Variants in SLC30A8 observed in about 807,000 individuals in gnomAD.
SLC30A8 encodes solute carrier family 30 member 8, also known as proton-coupled zinc antiporter SLC30A8.
In SLC30A8, 27 loss-of-function variants were observed where a neutral mutation model predicts 36.9. The ratio of observed to expected loss-of-function variants is 0.73; its 90% CI spans 0.54 to 1.01. SLC30A8 has a LOEUF of 1.01. Among genes scored for constraint, SLC30A8 ranks in the 50% least tolerant of loss-of-function variants. The pLI, the probability that SLC30A8 is intolerant of heterozygous loss-of-function variation, is 0.00. For missense variants in SLC30A8, 439 were observed against 452.0 expected, an observed-to-expected ratio of 0.97 and a Z score of 0.26; for synonymous variants, 164 against 172.4, an observed-to-expected ratio of 0.95 and a Z score of 0.38.
At chr8:117,032,995 C>T (rs575983987) in intron 1 of SLC30A8, among the ~76,000 whole-genome samples, 1 of 152,174 alleles carries the variant, frequency 6.6e-6, no homozygotes, top group East Asian at 1.9e-4. Context: ...GGAACCTCTG[C>T]AATCCTGGGC....
chr8:117,031,960 T>C (rs1817065832), intron 1 of SLC30A8, among the ~76,000 whole-genome samples: 1 of 152,164 alleles, frequency 6.6e-6, no homozygotes, highest in South Asian at 2.1e-4. Context: ...ATATTTCCTT[T>C]CCACTTTCAC....
At chr8:117,129,454 T>A (rs1271006746) in intron 2 of SLC30A8, among the ~76,000 whole-genome samples, 3 of 152,062 alleles carry the variant, frequency 2.0e-5, no homozygotes, top group Non-Finnish European at 4.4e-5. Flanking sequence ...TGATTTCTAC[T>A]TTTGTTTCCT....
At chr8:117,018,672 C>G (rs1240693656) in intron 1 of SLC30A8, among the ~76,000 whole-genome samples, 18 of 123,530 alleles carry the variant, frequency 1.5e-4, no homozygotes, top group African/African-American at 3.4e-4. Context: ...AGCCCCCCCC[C>G]CCCTTTTTTT....
intron 5 of SLC30A8, among the ~76,000 whole-genome samples, chr8:117,162,817 A>T (rs1471295989): frequency 6.6e-6 from 1 of 152,226 alleles, no homozygotes; most frequent in Non-Finnish European, 1.5e-5. Context: ...TGTGGCATAG[A>T]ACTTTCTCAA....
At chr8:117,104,957 G>C (rs1277508110) in intron 2 of SLC30A8, among the ~76,000 whole-genome samples, 1 of 152,106 alleles carries the variant, frequency 6.6e-6, no homozygotes, top group East Asian at 1.9e-4. Context: ...ACTGGTGAGG[G>C]TGTCTTTTAG....
At chr8:117,075,915 C>T (rs1294477032) in intron 2 of SLC30A8, among the ~76,000 whole-genome samples, 2 of 152,142 alleles carry the variant, frequency 1.3e-5, no homozygotes, top group African/African-American at 4.8e-5. Flanking sequence ...TCCAGCCTTT[C>T]GGACTACTTG....
rs142715914 is a variant in SLC30A8 at position 116,991,280 on chromosome 8, T to A, written c.-266+40161T>A. ...TGTCTAACTGTATTTTCATATGATA[T>A]TCCAAACTATTTTACCTTCTATTTT... On this transcript the variant is annotated intron_variant, in intron 1 of 10. Coordinates refer to the SLC30A8 transcript ENST00000427715. Among the ~76,000 whole-genome samples the A allele has an allele frequency of 3.3e-5, 5 of 152,188 alleles. No homozygotes were observed. The East Asian group carries it at 9.7e-4, about 29-fold the overall frequency.
intron 1 of SLC30A8, among the ~76,000 whole-genome samples, chr8:117,036,116 C>T (rs540201994): frequency 2.6e-5 from 4 of 152,164 alleles, no homozygotes; most frequent in Non-Finnish European, 4.4e-5. Flanking sequence ...AATTCCCCCC[C>T]CCAGAAAATG....
intron 1 of SLC30A8, among the ~76,000 whole-genome samples, chr8:117,144,079 C>T (rs760839233): frequency 7.2e-5 from 11 of 152,094 alleles, no homozygotes; most frequent in Non-Finnish European, 1.3e-4. Flanking sequence ...ATTGGTGAGC[C>T]TGCTTTGCTC....
chr8:117,012,684 A>ATGTGTG (rs141407793), intron 1 of SLC30A8, among the ~76,000 whole-genome samples: 1 of 133,350 alleles, frequency 7.5e-6, no homozygotes, highest in Admixed American at 7.4e-5. Flanking sequence ...GTGTGTGTGC[A>ATGTGTG]TGTGTGTGTG....
In SLC30A8 at chr8:117,175,132, T is replaced by C. The variant is rs923470855; in HGVS notation, c.*2451T>C. The C allele has an allele frequency of 1.3e-5, 2 of 152,174 alleles. No homozygotes were observed. The highest frequency in any genetic ancestry group is 1.9e-4 in the East Asian group (1 of 5,178). 9.4% of individuals were successfully genotyped at this position (152,174 alleles called of 1,614,324 possible). ...TTATGTCTTTTTTTTGTTATTGTTA[T>C]ACTTTAAGTTCTGGGGTACATGTGC... On this transcript the variant is annotated 3_prime_UTR_variant, in exon 8 of 8. Coordinates refer to ENST00000456015, the MANE Select transcript of SLC30A8 (RefSeq NM_173851.3).
At chr8:117,092,286 G>C (rs1819166555) in intron 2 of SLC30A8, among the ~76,000 whole-genome samples, 2 of 151,984 alleles carry the variant, frequency 1.3e-5, no homozygotes, top group South Asian at 4.1e-4. Flanking sequence ...AATTGTCATT[G>C]CATGATATAA....
intron 2 of SLC30A8, among the ~76,000 whole-genome samples, chr8:117,088,209 C>G (rs1818956384): frequency 6.6e-6 from 1 of 152,092 alleles, no homozygotes; most frequent in African/African-American, 2.4e-5. Context: ...AAAGGCTTTG[C>G]CATGAAGACC....
chr8:117,063,281 A>T (rs539064539), intron 2 of SLC30A8, among the ~76,000 whole-genome samples: 2 of 151,720 alleles, frequency 1.3e-5, no homozygotes, highest in African/African-American at 4.8e-5. Context: ...TTTATCGGGG[A>T]AATTATGGTC....
At chr8:117,047,768 C>G (rs1487501997) in intron 2 of SLC30A8, among the ~76,000 whole-genome samples, 1 of 152,108 alleles carries the variant, frequency 6.6e-6, no homozygotes, top group Non-Finnish European at 1.5e-5. Context: ...CATTCTAAGT[C>G]ACAGGATGAG....
At chr8:117,103,407 T>C (rs957618669) in intron 2 of SLC30A8, among the ~76,000 whole-genome samples, 4 of 152,100 alleles carry the variant, frequency 2.6e-5, no homozygotes, top group African/African-American at 9.7e-5. Context: ...GGTAGTGCTG[T>C]CCTTTCAGCC....
chr8:116,952,224 CAG>C (rs773202123), intron 1 of SLC30A8, among the ~76,000 whole-genome samples: 2 of 152,146 alleles, frequency 1.3e-5, no homozygotes, highest in African/African-American at 4.8e-5. Context: ...AAGTGGTTGA[CAG>C]AGGTGGACAT....
At chr8:117,048,670 A>T (rs1817621814) in intron 2 of SLC30A8, among the ~76,000 whole-genome samples, 1 of 152,190 alleles carries the variant, frequency 6.6e-6, no homozygotes, top group Non-Finnish European at 1.5e-5. Flanking sequence ...TATATTGTAG[A>T]TATTTAAACA....
At chr8:116,995,891 A>C (rs1045265939) in intron 1 of SLC30A8, among the ~76,000 whole-genome samples, 2 of 151,226 alleles carry the variant, frequency 1.3e-5, no homozygotes, top group African/African-American at 4.9e-5. Context: ...CCATCACTTG[A>C]TAGAAAAAAA....
Sources: allele counts gnomAD v4.1 joint callset (sites outside exome capture counted in the v4.1 genomes callset), GRCh38; gene constraint gnomAD v4.1.1; transcripts MANE v1.5; gene names NCBI Gene and HGNC (gene_info 2026-07-23, HGNC 2026-07-21).